The following OPCML variants were observed in gnomAD, a reference collection of about 807,000 sequenced individuals.
OPCML encodes the protein opioid-binding protein/cell adhesion molecule.
Under a neutral mutation model 37.8 loss-of-function variants are expected in OPCML, and 13 were observed. The observed-to-expected ratio is 0.34, with a 90% CI of 0.22 to 0.55. The LOEUF is 0.55. Ranked by LOEUF, OPCML falls within the 20% of genes least tolerant of loss-of-function variation. OPCML has a pLI of 0.91. For synonymous variants in OPCML, 176 were observed against 168.8 expected (o/e 1.04, Z -0.33); for missense variants, 341 against 435.6 (o/e 0.78, Z 1.93).
intron 4 of OPCML, among the ~76,000 whole-genome samples, chr11:132,483,359 G>A (rs1283950331): frequency 1.3e-5 from 2 of 151,926 alleles, no homozygotes; most frequent in Non-Finnish European, 2.9e-5. Context: ...CAATTTACAA[G>A]GGATGTGAAG....
At chr11:133,198,240 G>T (rs1412330573) in intron 1 of OPCML, among the ~76,000 whole-genome samples, 3 of 152,340 alleles carry the variant, frequency 2.0e-5, no homozygotes, top group African/African-American at 7.2e-5. Flanking sequence ...ATAACCCGCA[G>T]TGGGGAGATG....
intron 1 of OPCML, among the ~76,000 whole-genome samples, chr11:133,434,230 C>G (rs147381358): frequency 6.6e-6 from 1 of 152,208 alleles, no homozygotes; most frequent in African/African-American, 2.4e-5. Context: ...TTCGCTTATT[C>G]TGTTTCCTCT....
At chr11:132,795,510 C>A (rs931965732) in intron 2 of OPCML, among the ~76,000 whole-genome samples, 1 of 152,166 alleles carries the variant, frequency 6.6e-6, no homozygotes, top group East Asian at 1.9e-4. Flanking sequence ...GCACTTAAAA[C>A]GAACGAGCCA....
intron 2 of OPCML, among the ~76,000 whole-genome samples, chr11:132,938,087 T>G (rs1313957138): frequency 6.6e-6 from 1 of 151,924 alleles, no homozygotes; most frequent in Non-Finnish European, 1.5e-5. Flanking sequence ...ACAATAAAAT[T>G]GTTTAGATAT....
At chr11:132,788,308 T>C (rs1341311128) in intron 2 of OPCML, among the ~76,000 whole-genome samples, 3 of 152,176 alleles carry the variant, frequency 2.0e-5, no homozygotes, top group African/African-American at 7.2e-5. Flanking sequence ...TGCCAGAAAC[T>C]TGGAACTTAT....
intron 2 of OPCML, among the ~76,000 whole-genome samples, chr11:132,667,048 T>A (rs1026554246): frequency 6.6e-6 from 1 of 151,518 alleles, no homozygotes; most frequent in African/African-American, 2.4e-5. Context: ...AAGGAAGGAG[T>A]CATCAGAGAA....
chr11:133,020,773 A>C (rs962164657), intron 1 of OPCML, among the ~76,000 whole-genome samples: 1 of 152,210 alleles, frequency 6.6e-6, no homozygotes, highest in East Asian at 1.9e-4. Flanking sequence ...AAATGACTTA[A>C]TGGTGTAGAA....
At chr11:132,959,924 C>A (rs1330278212) in intron 1 of OPCML, among the ~76,000 whole-genome samples, 1 of 152,090 alleles carries the variant, frequency 6.6e-6, no homozygotes, top group African/African-American at 2.4e-5. Context: ...AATGGAACAC[C>A]GTCCAAAACA....
chr11:133,132,633 C>A (rs1949622986), intron 1 of OPCML, among the ~76,000 whole-genome samples: 1 of 152,072 alleles, frequency 6.6e-6, no homozygotes, highest in Non-Finnish European at 1.5e-5. Context: ...AATGGCCAAC[C>A]AAACTGTGGT....
At chr11:133,058,180 T>C (rs758191538) in intron 1 of OPCML, among the ~76,000 whole-genome samples, 1 of 152,156 alleles carries the variant, frequency 6.6e-6, no homozygotes, top group Non-Finnish European at 1.5e-5. Flanking sequence ...AAAGTAGCAT[T>C]ATTAAAGTTA....
intron 4 of OPCML, among the ~76,000 whole-genome samples, chr11:132,448,366 G>A (rs1431411670): frequency 6.6e-6 from 1 of 152,264 alleles, no homozygotes; most frequent in Middle Eastern, 3.4e-3. Context: ...ACTAACCCAG[G>A]CAGCACAATT....
chr11:132,997,267 A>C (rs1298482005), intron 1 of OPCML, among the ~76,000 whole-genome samples: 1 of 152,174 alleles, frequency 6.6e-6, no homozygotes, highest in Non-Finnish European at 1.5e-5. Flanking sequence ...GAAGCACAGG[A>C]TTAGATAGGG....
chr11:133,075,253 G>A (rs1434462423), intron 1 of OPCML, among the ~76,000 whole-genome samples: 1 of 152,164 alleles, frequency 6.6e-6, no homozygotes, highest in Non-Finnish European at 1.5e-5. Flanking sequence ...GAATGGTTTG[G>A]CAACCTGCTA....
At chr11:133,265,594 G>A (rs930463927) in intron 1 of OPCML, among the ~76,000 whole-genome samples, 7 of 152,196 alleles carry the variant, frequency 4.6e-5, no homozygotes, top group Non-Finnish European at 1.0e-4. Flanking sequence ...GACAAAGTGG[G>A]ATTTGATTAT....
chr11:132,838,173 CA>C (rs1941123852), intron 2 of OPCML, among the ~76,000 whole-genome samples: 1 of 152,056 alleles, frequency 6.6e-6, no homozygotes, highest in Admixed American at 6.6e-5. Flanking sequence ...AACTAAATAA[CA>C]AAACATGTTT....
intron 1 of OPCML, among the ~76,000 whole-genome samples, chr11:133,459,843 G>T (rs1051030552): frequency 2.0e-5 from 3 of 151,954 alleles, no homozygotes; most frequent in Non-Finnish European, 4.4e-5. Context: ...CGAATACAGA[G>T]AAATTGAGCA....
At chr11:133,006,868 T>C (rs1947123579) in intron 1 of OPCML, 1 of 985,436 alleles carries the variant, frequency 1.0e-6, no homozygotes, top group Middle Eastern at 5.2e-4. Flanking sequence ...TATATCAGAA[T>C]GCAGTAGGCT....
intron 4 of OPCML, among the ~76,000 whole-genome samples, chr11:132,462,730 C>T (rs1188301919): frequency 1.3e-5 from 2 of 152,150 alleles, no homozygotes; most frequent in East Asian, 3.9e-4. Context: ...TTCCCTGATC[C>T]ATCTCTTAGA....
At chr11:133,053,544 C>A (rs560762275) in intron 1 of OPCML, among the ~76,000 whole-genome samples, 2 of 152,312 alleles carry the variant, frequency 1.3e-5, no homozygotes, top group South Asian at 4.1e-4. Flanking sequence ...GTCAAGATCA[C>A]CTAGGAATTC....
Sources: allele counts gnomAD v4.1 joint callset (sites outside exome capture counted in the v4.1 genomes callset), GRCh38; gene constraint gnomAD v4.1.1; transcripts MANE v1.5; gene names NCBI Gene and HGNC (gene_info 2026-07-23, HGNC 2026-07-21).